The following NLRC4 variants were observed in gnomAD, a reference collection of about 807,000 sequenced individuals.
NLRC4 encodes the protein NLR family CARD domain containing 4, also known as NLR family CARD domain-containing protein 4.
A neutral mutation model predicts 79.9 loss-of-function variants in NLRC4; 63 were observed. The observed-to-expected ratio is 0.79, with a 90% CI of 0.64 to 0.97. The LOEUF (loss-of-function observed/expected upper bound fraction) is 0.97, where lower values mean the gene tolerates loss of function less well. NLRC4 is among the 50% of genes least tolerant of loss of function. The pLI, the probability that NLRC4 is intolerant of heterozygous loss-of-function variation, is 0.00. For missense variants in NLRC4, 1,074 were observed against 1,215.2 expected, an observed-to-expected ratio of 0.88 and a Z score of 1.73; for synonymous variants, 461 against 456.5, an observed-to-expected ratio of 1.01 and a Z score of -0.12.
intron 8 of NLRC4, among the ~76,000 whole-genome samples, chr2:32,231,601 A>C (rs1375184058): frequency 5.8e-5 from 7 of 119,722 alleles, no homozygotes; most frequent in Admixed American, 2.1e-4. Context: ...ACTGGGTGTC[A>C]CTCTGTCACC....
Position 32,235,511 on chromosome 2 carries a change from T to TCACAGC in NLRC4, c.2666_2671dup (p.Gly889_Cys890dup). 2 of 1,614,202 alleles carry TCACAGC rather than the reference T, an allele frequency of 1.2e-6. No individual in the cohort carries two copies. Among genetic ancestry groups the TCACAGC allele is most frequent in the Non-Finnish European group, 1.7e-6 (2 of 1,180,004 alleles). On this transcript the variant is annotated inframe_insertion, in exon 8 of 9. Transcript: ENST00000402280. The stretch of plus-strand genomic sequence containing the variant: ...CAGGCTGCTCAGGCTGCCTTGCACG[T>TCACAGC]CACAGCCCCAGGGCAGCATCAGTGC...
intron 8 of NLRC4, among the ~76,000 whole-genome samples, chr2:32,231,574 T>G (rs212712): frequency 0.52 from 38,499 of 73,828 alleles, 10,932 homozygotes; most frequent in Non-Finnish European, 0.56. Context: ...TTTTTTTTTG[T>G]GGGGGGGGGG....
chr2:32,261,487 T>C (rs1378320819), intron 1 of NLRC4, among the ~76,000 whole-genome samples: 1 of 148,890 alleles, frequency 6.7e-6, no homozygotes, highest in Non-Finnish European at 1.5e-5. Context: ...AATTTTTGTA[T>C]TTTTAGTAGA....
At chr2:32,234,429 G>A (rs113751832) in intron 8 of NLRC4, among the ~76,000 whole-genome samples, 4 of 152,124 alleles carry the variant, frequency 2.6e-5, no homozygotes, top group Non-Finnish European at 5.9e-5. Context: ...TAAATTGTAC[G>A]TTACGTAAAC....
chr2:32,264,006 G>T (rs905324015), intron 1 of NLRC4, among the ~76,000 whole-genome samples: 1 of 152,156 alleles, frequency 6.6e-6, no homozygotes, highest in Non-Finnish European at 1.5e-5. Flanking sequence ...GTCCCGTAAA[G>T]GGTGATTTCC....
Position 32,241,124 on chromosome 2 carries a change from AC to A in NLRC4, c.2258del (p.Gly753ValfsTer3). On this transcript the variant is annotated frameshift_variant and splice_region_variant, in exon 5 of 9. Coordinates refer to ENST00000402280, the MANE Select transcript of NLRC4 (RefSeq NM_001199138.2). LOFTEE classifies it high-confidence loss of function. ...AGTTACCCAAGCTGTCAGTCAGACC[AC>A]CTGTCAAAAGAAAAAAGATTGGACT... ...IHDLQNQRLP[G>X]GLTDSLGNLK... 6.3e-7 allele frequency: 1 copy of A among 1,588,104 alleles called. No individual in the cohort carries two copies. Among genetic ancestry groups the A allele is most frequent in the Non-Finnish European group, 8.6e-7 (1 of 1,159,824 alleles).
chr2:32,224,836 A>G (rs1686339409), intron 8 of NLRC4, 71 bp from the exon 9 acceptor site: 1 of 900,480 alleles, frequency 1.1e-6, no homozygotes, highest in Non-Finnish European at 1.7e-6. Flanking sequence ...TAGGTTCTAC[A>G]TTTATTTTAC....
At chr2:32,244,403 CACCT>C (rs528994346) in intron 4 of NLRC4, among the ~76,000 whole-genome samples, 11 of 151,756 alleles carry the variant, frequency 7.2e-5, no homozygotes, top group Admixed American at 1.3e-4. Flanking sequence ...TGATAAAAGA[CACCT>C]ACAAGAAAAC....
intron 6 of NLRC4, among the ~76,000 whole-genome samples, chr2:32,236,935 C>T (rs1686687322): frequency 6.6e-6 from 1 of 152,136 alleles, no homozygotes; most frequent in Non-Finnish European, 1.5e-5. Flanking sequence ...TCTTAATGGA[C>T]TAAACACTCC....
chr2:32,225,730 A>G (rs911995474), intron 8 of NLRC4, among the ~76,000 whole-genome samples: 1 of 152,192 alleles, frequency 6.6e-6, no homozygotes, highest in African/African-American at 2.4e-5. Context: ...CAGACTGGAC[A>G]TGGGAACTCT....
chr2:32,248,250 G>GC (rs1203279291), intron 4 of NLRC4, among the ~76,000 whole-genome samples: 1 of 151,808 alleles, frequency 6.6e-6, no homozygotes, highest in African/African-American at 2.4e-5. Context: ...AAAATCCTAA[G>GC]CCCCCCACCA....
intron 5 of NLRC4, among the ~76,000 whole-genome samples, chr2:32,240,143 G>C (rs189196795): frequency 1.3e-5 from 2 of 152,162 alleles, no homozygotes; most frequent in East Asian, 3.9e-4. Context: ...ACCATGCCCA[G>C]CTAATTTTTG....
chr2:32,225,448 T>C (rs1277066363), intron 8 of NLRC4, among the ~76,000 whole-genome samples: 1 of 149,738 alleles, frequency 6.7e-6, no homozygotes, highest in Non-Finnish European at 1.5e-5. Flanking sequence ...TGTGTGTGTA[T>C]ACATACACAA....
rs775705370 is a variant in NLRC4 at position 32,250,238 on chromosome 2, C to T, written c.1626G>A (p.Glu542=). ...TGTTTATGGCTTTCAGAATTTCTTG[C>T]TCAGTGGTGTTTTTCACACTTTGCA... ...ESLQSVKNTT[E]QEILKAININ... Residue 542 remains glutamate (E), a synonymous_variant, in exon 4 of 9, where the codon GAG becomes GAA. Transcript: ENST00000402280. The surrounding 1 kb of genome is among the most constrained non-coding windows in gnomAD (Gnocchi z 4.9). The T allele has an allele frequency of 6.2e-7, 1 of 1,614,178 alleles. No homozygotes were observed. The highest frequency in any genetic ancestry group is 1.1e-5 in the South Asian group (1 of 91,078).
intron 4 of NLRC4, among the ~76,000 whole-genome samples, chr2:32,244,934 G>A (rs558633241): frequency 6.6e-6 from 1 of 152,056 alleles, no homozygotes; most frequent in South Asian, 2.1e-4. Flanking sequence ...AGAATGAGAA[G>A]AGAAAAAATT....
chr2:32,257,029 A>G, intron 1 of NLRC4, 136 bp from the exon 2 acceptor site: 1 of 464,640 alleles, frequency 2.2e-6, no homozygotes. Flanking sequence ...GCCCCTGGCT[A>G]TTCATGGCCA....
chr2:32,239,923 AATTT>A (rs1686756560), intron 5 of NLRC4, among the ~76,000 whole-genome samples: 1 of 152,188 alleles, frequency 6.6e-6, no homozygotes, highest in South Asian at 2.1e-4. Context: ...ACACTGAATT[AATTT>A]GATTATTCTC....
rs116080185 is a variant in NLRC4 at position 32,246,783 on chromosome 2, C to T, written c.2257+2824G>A. 7.1e-3 allele frequency among the ~76,000 whole-genome samples: 1,079 copies of T among 152,302 alleles called. 8 individuals are homozygous for T. The highest frequency in any genetic ancestry group is 0.025 in the African/African-American group (1,051 of 41,570). ...CCCAAATCTTCTGTCATTCATTCTT[C>T]TTTTTCTTTTCTTTTTGGAGATAGG... is the stretch of plus-strand genomic sequence containing the variant. On this transcript the variant is annotated intron_variant, in intron 4 of 8. Transcript: ENST00000402280.
At chr2:32,229,307 T>C (rs1037327254) in intron 8 of NLRC4, among the ~76,000 whole-genome samples, 24 of 151,918 alleles carry the variant, frequency 1.6e-4, no homozygotes, top group African/African-American at 5.6e-4. Flanking sequence ...CACACACTTA[T>C]AATGGCACAT....
Sources: allele counts gnomAD v4.1 joint callset (sites outside exome capture counted in the v4.1 genomes callset), GRCh38; gene constraint gnomAD v4.1.1; non-coding constraint Gnocchi (gnomAD v3.1); transcripts MANE v1.5; gene names NCBI Gene and HGNC (gene_info 2026-07-23, HGNC 2026-07-21).